SRGAP3: variants seen among roughly 807,000 people sequenced by gnomAD.
SRGAP3 encodes SLIT-ROBO Rho GTPase activating protein 3, also known as SLIT-ROBO Rho GTPase-activating protein 3.
Under a neutral mutation model 121.1 loss-of-function variants are expected in SRGAP3, and 39 were observed. The ratio of observed to expected loss-of-function variants is 0.32; its 90% CI spans 0.25 to 0.42. The LOEUF (loss-of-function observed/expected upper bound fraction) is 0.42. Ranked by LOEUF, SRGAP3 falls within the 10% of genes least tolerant of loss-of-function variation. The pLI is 1.00. For synonymous variants in SRGAP3, 601 were observed against 570.0 expected (o/e 1.05, Z -0.77); for missense variants, 1,213 against 1,470.6 (o/e 0.82, Z 2.86).
chr3:9,276,955 G>A (rs1954594494), intron 3 of SRGAP3, among the ~76,000 whole-genome samples: 1 of 152,254 alleles, frequency 6.6e-6, no homozygotes, highest in Admixed American at 6.5e-5. Context: ...GTGATTCAGA[G>A]CTCTTAACCA....
intron 3 of SRGAP3, among the ~76,000 whole-genome samples, chr3:9,099,280 AAG>A (rs1365735603): frequency 6.6e-6 from 1 of 152,014 alleles, no homozygotes; most frequent in African/African-American, 2.4e-5. Flanking sequence ...CTTCTCTGCA[AAG>A]AGTCTTTCCT....
At chr3:9,114,393 A>T (rs1431784607) in intron 2 of SRGAP3, among the ~76,000 whole-genome samples, 1 of 152,194 alleles carries the variant, frequency 6.6e-6, no homozygotes. Flanking sequence ...ATAGACAAAC[A>T]GCCTATGATA....
At chr3:9,090,281 G>A (rs1022136835) in intron 3 of SRGAP3, among the ~76,000 whole-genome samples, 4 of 152,014 alleles carry the variant, frequency 2.6e-5, no homozygotes, top group East Asian at 3.8e-4. Context: ...CCACAATGCC[G>A]ATTACGAAGA....
rs1945952277 is a variant in SRGAP3, at chr3:9,058,561, T to A, written c.802-89A>T. On this transcript the variant is annotated intron_variant, in intron 6 of 21. Transcript: ENST00000383836. Reference sequence around the variant, plus strand: ...GCCACCACAGTGACTTACAATTACCTCCCTTTCCACAGCCGAATCTTCCAT... The same window carrying A: ...GCCACCACAGTGACTTACAATTACCACCCTTTCCACAGCCGAATCTTCCAT... 3.0e-6 allele frequency: 4 copies of A among 1,341,946 alleles called. No homozygotes were observed. The Admixed American group carries it at 5.1e-5, about 17-fold the overall frequency. 83.1% of individuals were successfully genotyped at this position (1,341,946 alleles called of 1,614,324 possible).
intron 13 of SRGAP3, among the ~76,000 whole-genome samples, chr3:9,026,329 T>C (rs542571431): frequency 6.6e-6 from 1 of 152,240 alleles, no homozygotes; most frequent in Non-Finnish European, 1.5e-5. Context: ...CCTTGCCCTT[T>C]TCATTGGAAG....
intron 1 of SRGAP3, chr3:9,235,695 A>G (rs2648528): frequency 0.75 from 113,535 of 151,610 alleles, 42,708 homozygotes; most frequent in South Asian, 0.82. Flanking sequence ...CAGTAGAGAC[A>G]GTGTTTCACC....
rs1410332559 is a variant in SRGAP3 at position 8,984,531 on chromosome 3, C to T, written c.*988G>A. Reference sequence around the variant, plus strand: ...CAGCATTTCTAGGTTTTGGAGTATTCCACACCACTGTATTTTTATTTTTCC... The same window carrying T: ...CAGCATTTCTAGGTTTTGGAGTATTTCACACCACTGTATTTTTATTTTTCC... On this transcript the variant is annotated 3_prime_UTR_variant, in exon 22 of 22. Coordinates refer to ENST00000383836, the MANE Select transcript of SRGAP3 (RefSeq NM_014850.4). The T allele has an allele frequency of 8.6e-6, 2 of 232,548 alleles. No homozygotes were observed. The highest frequency in any genetic ancestry group is 1.7e-5 in the Non-Finnish European group (2 of 117,646). 14.4% of individuals were successfully genotyped at this position (232,548 alleles called of 1,614,324 possible).
At chr3:9,339,290 T>C (rs1326427367) in intron 1 of SRGAP3, among the ~76,000 whole-genome samples, 6 of 152,222 alleles carry the variant, frequency 3.9e-5, no homozygotes, top group African/African-American at 1.4e-4. Flanking sequence ...CTTACGACTA[T>C]ACCAAGTCTT....
chr3:9,180,481 A>T (rs1017861837), intron 1 of SRGAP3, among the ~76,000 whole-genome samples: 3 of 152,098 alleles, frequency 2.0e-5, no homozygotes, highest in African/African-American at 7.2e-5. Flanking sequence ...GTGTACCCTC[A>T]ACCACCAAGA....
chr3:9,277,083 T>C (rs1475074828), intron 3 of SRGAP3, among the ~76,000 whole-genome samples: 2 of 152,216 alleles, frequency 1.3e-5, no homozygotes, highest in Non-Finnish European at 2.9e-5. Flanking sequence ...ATAATACCTA[T>C]TATAAAAGAT....
At chr3:9,155,459 A>G (rs758949138) in intron 1 of SRGAP3, among the ~76,000 whole-genome samples, 13 of 152,086 alleles carry the variant, frequency 8.5e-5, no homozygotes, top group African/African-American at 2.4e-4. Flanking sequence ...TCTGCATTCA[A>G]TATCTTAGCA....
At chr3:9,137,281 G>A (rs752764579) in intron 1 of SRGAP3, among the ~76,000 whole-genome samples, 2 of 152,088 alleles carry the variant, frequency 1.3e-5, no homozygotes, top group South Asian at 4.1e-4. Flanking sequence ...GGTAGTAAAG[G>A]CCAGGCTTAG....
intron 4 of SRGAP3, among the ~76,000 whole-genome samples, chr3:9,066,962 T>C (rs1479746977): frequency 6.6e-6 from 1 of 152,232 alleles, no homozygotes; most frequent in Non-Finnish European, 1.5e-5. Context: ...CTTAGCTGTG[T>C]GACCTTGGAC....
At chr3:9,157,959 CAGCTG>C (rs1950475727) in intron 1 of SRGAP3, among the ~76,000 whole-genome samples, 2 of 152,182 alleles carry the variant, frequency 1.3e-5, no homozygotes. Flanking sequence ...CAGTGAATAA[CAGCTG>C]TTGTTATTTT....
chr3:9,032,878 G>A (rs1330014210), intron 11 of SRGAP3, 126 bp from the exon 12 acceptor site: 13 of 828,668 alleles, frequency 1.6e-5, no homozygotes, highest in East Asian at 5.3e-5. Context: ...CTGACCCCCC[G>A]CCAAGACATT....
chr3:9,291,900 A>G (rs545911287), intron 3 of SRGAP3, among the ~76,000 whole-genome samples: 1 of 152,182 alleles, frequency 6.6e-6, no homozygotes, highest in South Asian at 2.1e-4. Context: ...CACTCAACTT[A>G]AGTTCTATTG....
At chr3:9,228,782 C>T (rs1953084100) in intron 1 of SRGAP3, among the ~76,000 whole-genome samples, 1 of 152,172 alleles carries the variant, frequency 6.6e-6, no homozygotes, top group Non-Finnish European at 1.5e-5. Context: ...CAACTCTAGG[C>T]CGGGCGCGGT....
At chr3:9,250,527 A>G (rs1441273615), upstream of SRGAP3, among the ~76,000 whole-genome samples, 1 of 152,260 alleles carries the variant, frequency 6.6e-6, no homozygotes, top group Non-Finnish European at 1.5e-5. Context: ...TACAAAATGT[A>G]AAGTGCTATG....
intron 8 of SRGAP3, among the ~76,000 whole-genome samples, chr3:9,053,903 C>A (rs1194217383): frequency 6.6e-6 from 1 of 152,212 alleles, no homozygotes; most frequent in Admixed American, 6.5e-5. Context: ...AGATTCTTTG[C>A]TCTGGAGGCT....
Sources: allele counts gnomAD v4.1 joint callset (sites outside exome capture counted in the v4.1 genomes callset), GRCh38; gene constraint gnomAD v4.1.1; transcripts MANE v1.5; gene names NCBI Gene and HGNC (gene_info 2026-07-23, HGNC 2026-07-21).